INTS6L: variants seen among roughly 807,000 people sequenced by gnomAD.
The protein encoded by INTS6L is integrator complex subunit 6 like.
Under a neutral mutation model 64.7 loss-of-function variants are expected in INTS6L, and 18 were observed. That is an observed-to-expected ratio of 0.28 (90% confidence interval 0.19 to 0.41). INTS6L has a LOEUF of 0.41. Ranked by LOEUF, INTS6L falls within the 10% of genes least tolerant of loss-of-function variation. The pLI is 1.00. For synonymous variants in INTS6L, 227 were observed against 235.9 expected, an observed-to-expected ratio of 0.96 and a Z score of 0.34; for missense variants, 533 against 661.0, an observed-to-expected ratio of 0.81 and a Z score of 2.12.
At chrX:135,576,186 G>A (rs2087220549) in intron 14 of INTS6L, among the ~76,000 whole-genome samples, 1 of 110,444 alleles carries the variant, frequency 9.1e-6, no homozygotes, top group Non-Finnish European at 1.9e-5. Context: ...AATTAGCCAG[G>A]CGTGGTGGTG....
At chrX:135,525,658 T>G (rs1282017921) in intron 2 of INTS6L, among the ~76,000 whole-genome samples, 3 of 112,430 alleles carry the variant, frequency 2.7e-5, no homozygotes, top group Non-Finnish European at 3.8e-5. Flanking sequence ...CAGGCATTTT[T>G]TAGAATTTTA....
intron 2 of INTS6L, among the ~76,000 whole-genome samples, chrX:135,540,727 T>TCCTCCTCCTCCTCCTCTTCCTCCC (rs2086187295): frequency 9.4e-6 from 1 of 106,766 alleles, no homozygotes; most frequent in Non-Finnish European, 1.9e-5. Flanking sequence ...CTCCTCCTCC[T>TCCTCCTCCTCCTCCTCTTCCTCCC]CCTCCTCCTC....
chrX:135,527,834 G>T (rs1404638313), intron 2 of INTS6L, among the ~76,000 whole-genome samples: 1 of 111,001 alleles, frequency 9.0e-6, no homozygotes, highest in Non-Finnish European at 1.9e-5. Flanking sequence ...TTATGGTTGG[G>T]ATTGGGGTGG....
chrX:135,578,999 C>T (rs1556532575), intron 15 of INTS6L, among the ~76,000 whole-genome samples: 2 of 111,434 alleles, frequency 1.8e-5, no homozygotes, highest in African/African-American at 6.5e-5. Context: ...TCTCCTAACA[C>T]GGGAGCCCCT....
At chrX:135,546,622 G>T in intron 4 of INTS6L, 80 bp from the exon 5 acceptor site, 1 of 1,090,932 alleles carries the variant, frequency 9.2e-7, no homozygotes, top group Non-Finnish European at 1.2e-6. Context: ...TTACATGAAA[G>T]AAAAAGTCAA....
chrX:135,579,972 A>G lies in INTS6L; in HGVS notation c.2304A>G (p.Gln768=), dbSNP rs2087329958. The change falls in exon 16 of 18, where the codon CAA becomes CAG. Residue 768 remains glutamine, a synonymous_variant. Transcript: ENST00000639893. The stretch of plus-strand genomic sequence containing the variant: ...GTCTCAGCAAAGATGGGCTGATTCA[A>G]AAACCTGGTAGTAACGCATTTGTAG... ...FTSLSKDGLI[Q]KPGSNAFVGG... The G allele has an allele frequency of 8.3e-7, 1 of 1,210,155 alleles. No homozygotes were observed. The highest frequency in any genetic ancestry group is 1.1e-6 in the Non-Finnish European group (1 of 895,292).
intron 2 of INTS6L, among the ~76,000 whole-genome samples, chrX:135,522,762 AATT>A (rs2085620594): frequency 1.8e-5 from 2 of 112,317 alleles, no homozygotes; most frequent in East Asian, 5.6e-4. Context: ...TTAACTGTTT[AATT>A]AGTAGGTTCC....
At position 135,551,970 on chromosome X, in the gene INTS6L, CTTTT is replaced by C; in HGVS notation, c.907-20_907-17del. The C allele has an allele frequency of 9.1e-7, 1 of 1,102,791 alleles. No homozygotes were observed. The highest frequency in any genetic ancestry group is 1.2e-6 in the Non-Finnish European group (1 of 843,679). The allele number at this position is 1,102,791 out of a possible 1,213,427, so 90.9% of individuals were successfully genotyped here. ...CTTTGAGACCTAACCATTTTTTCTGCTTTTTTTAAAAAATTTTTTTTAGCCTCCA... is the reference window on the plus strand; with the variant it reads ...CTTTGAGACCTAACCATTTTTTCTGCTTTAAAAAATTTTTTTTAGCCTCCA... On this transcript the variant is annotated intron_variant, in intron 7 of 17. Coordinates refer to ENST00000639893, the MANE Select transcript of INTS6L (RefSeq NM_001351601.3).
chrX:135,563,633 G>GTGTGTGTGTATGTATATA (rs1556523326), intron 9 of INTS6L, among the ~76,000 whole-genome samples: 1 of 10,387 alleles, frequency 9.6e-5, no homozygotes, highest in African/African-American at 1.8e-4. Context: ...GTGTGTGTGT[G>GTGTGTGTGTATGTATATA]TATATATATA....
At chrX:135,561,115 C>G (rs1362619553) in intron 9 of INTS6L, among the ~76,000 whole-genome samples, 2 of 107,851 alleles carry the variant, frequency 1.9e-5, no homozygotes, top group African/African-American at 6.7e-5. Flanking sequence ...CCCTGCCTGG[C>G]TAATTTTCAT....
At chrX:135,577,844 C>T (rs1346656812) in intron 15 of INTS6L, among the ~76,000 whole-genome samples, 1 of 111,855 alleles carries the variant, frequency 8.9e-6, no homozygotes, top group African/African-American at 3.3e-5. Context: ...TCTGCACTTG[C>T]TCTTTGTGTT....
intron 15 of INTS6L, among the ~76,000 whole-genome samples, chrX:135,579,049 G>A (rs2087305735): frequency 9.0e-6 from 1 of 110,935 alleles, no homozygotes; most frequent in African/African-American, 3.3e-5. Flanking sequence ...GCCTGTAGAT[G>A]ACTTCCCCAA....
At chrX:135,578,295 A>G (rs1185111141) in intron 15 of INTS6L, among the ~76,000 whole-genome samples, 1 of 111,678 alleles carries the variant, frequency 9.0e-6, no homozygotes, top group African/African-American at 3.3e-5. Context: ...TAATAGACAA[A>G]TAAAACTCAG....
intron 7 of INTS6L, among the ~76,000 whole-genome samples, chrX:135,551,274 TTCTC>T (rs1230354560): frequency 1.8e-5 from 2 of 111,979 alleles, no homozygotes; most frequent in African/African-American, 6.5e-5. Flanking sequence ...CTGTTCGCCT[TTCTC>T]TCTCTGGTGC....
rs199745588 is a variant in INTS6L, at chrX:135,573,957, T to C, written c.1636T>C (p.Tyr546His). Residue 546 changes from tyrosine to histidine, a missense_variant, in exon 13 of 18, where the codon TAC becomes CAC. By Grantham distance (83) the Tyr-to-His change is moderately conservative. Transcript: ENST00000639893. Reference protein sequence around the residue: ...LLNKDLKPQTYRNAYDIPRRG... With the variant: ...LLNKDLKPQTHRNAYDIPRRG... ...CAAATAGGATTTGAAACCTCAGACA[T>C]ACAGAAATGCTTATGATATTCCCCG... The C allele has an allele frequency of 9.2e-6, 11 of 1,197,512 alleles. No homozygotes were observed. The South Asian group carries it at 1.3e-4, about 14-fold the overall frequency.
At chrX:135,530,110 A>G (rs781977955) in intron 2 of INTS6L, among the ~76,000 whole-genome samples, 1 of 112,440 alleles carries the variant, frequency 8.9e-6, no homozygotes, top group Non-Finnish European at 1.9e-5. Flanking sequence ...ATCATTTTTT[A>G]AACATAATTA....
In INTS6L at chrX:135,579,944, C is replaced by G; in HGVS notation, c.2276C>G (p.Thr759Arg). 8.3e-7 allele frequency: 1 copy of G among 1,211,536 alleles called. No homozygotes were observed. Among genetic ancestry groups the G allele is most frequent in the Non-Finnish European group, 1.1e-6 (1 of 895,448 alleles). Residue 759 changes from threonine (T) to arginine (R), a missense_variant, in exon 16 of 18, where the codon ACA becomes AGA. Coordinates refer to ENST00000639893, the MANE Select transcript of INTS6L (RefSeq NM_001351601.3). ...NQVDSLSDDF[T>R]SLSKDGLIQK... ...GTGGATTCTCTGTCTGACGACTTCA[C>G]AAGTCTCAGCAAAGATGGGCTGATT...
intron 2 of INTS6L, among the ~76,000 whole-genome samples, chrX:135,539,387 G>A (rs2086138006): frequency 8.9e-6 from 1 of 111,898 alleles, no homozygotes; most frequent in South Asian, 3.7e-4. Flanking sequence ...AGCCTTCATA[G>A]AGTTGAAGAT....
chrX:135,533,594 C>G (rs1202084840), intron 2 of INTS6L, among the ~76,000 whole-genome samples: 1 of 109,790 alleles, frequency 9.1e-6, no homozygotes, highest in African/African-American at 3.3e-5. Flanking sequence ...TGGTTCCCCC[C>G]ATGTGCCCAT....
Sources: allele counts gnomAD v4.1 joint callset (sites outside exome capture counted in the v4.1 genomes callset), GRCh38; gene constraint gnomAD v4.1.1; transcripts MANE v1.5; gene names NCBI Gene and HGNC (gene_info 2026-07-23, HGNC 2026-07-21).